Variants in DNAAF9 observed in about 807,000 individuals in gnomAD.
DNAAF9 encodes shulin.
In DNAAF9, 90 loss-of-function variants were observed where a neutral mutation model predicts 167.0. The ratio of observed to expected loss-of-function variants is 0.54; its 90% CI spans 0.45 to 0.64. The LOEUF is 0.64. Among genes scored for constraint, DNAAF9 ranks in the 30% least tolerant of loss-of-function variants. The pLI is 0.00. For synonymous variants in DNAAF9, 491 were observed against 508.8 expected (o/e 0.96, Z 0.47); for missense variants, 1,315 against 1,442.2 (o/e 0.91, Z 1.43).
intron 34 of DNAAF9, 125 bp from the exon 35 acceptor site, chr20:3,255,409 C>T (rs537474403): frequency 6.2e-6 from 4 of 647,228 alleles, no homozygotes; most frequent in South Asian, 5.2e-5. Flanking sequence ...TGCGCTATGG[C>T]CTGGATATAA....
intron 27 of DNAAF9, among the ~76,000 whole-genome samples, chr20:3,282,527 T>A (rs1250170600): frequency 6.6e-6 from 1 of 152,186 alleles, no homozygotes; most frequent in African/African-American, 2.4e-5. Flanking sequence ...AGAGATATGC[T>A]AAACCCAGAG....
At chr20:3,359,323 G>A (rs1159590086) in intron 7 of DNAAF9, among the ~76,000 whole-genome samples, 193 bp downstream of exon 7, 1 of 152,226 alleles carries the variant, frequency 6.6e-6, no homozygotes, top group Admixed American at 6.5e-5. Context: ...GAGTGGAAGA[G>A]GGAGCAGTGT....
intron 9 of DNAAF9, among the ~76,000 whole-genome samples, chr20:3,342,643 G>C (rs955271684): frequency 6.6e-6 from 1 of 152,132 alleles, no homozygotes; most frequent in Non-Finnish European, 1.5e-5. Context: ...GCTTTTAAAA[G>C]TAAGCATGGC....
At chr20:3,271,778 T>C (rs1163523370) in intron 29 of DNAAF9, among the ~76,000 whole-genome samples, 1 of 151,750 alleles carries the variant, frequency 6.6e-6, no homozygotes, top group Admixed American at 6.6e-5. Flanking sequence ...CGCGCCACCA[T>C]GCCCAGCTTA....
At chr20:3,374,588 TG>T in intron 5 of DNAAF9, among the ~76,000 whole-genome samples, 1 of 152,334 alleles carries the variant, frequency 6.6e-6, no homozygotes, top group Middle Eastern at 3.4e-3. Context: ...AGCTTCAATG[TG>T]CAAGGTTTTT....
In DNAAF9 at chr20:3,330,621, G is replaced by T. The variant is rs770076478; in HGVS notation, c.1100+25C>A. 12 of 1,513,448 alleles carry T rather than the reference G, an allele frequency of 7.9e-6. No individual in the cohort carries two copies. The South Asian group carries it at 8.0e-5, about 10-fold the overall frequency. The allele number at this position is 1,513,448 out of a possible 1,614,324, so 93.8% of individuals were successfully genotyped here. A position where few individuals can be genotyped will look rare whatever the true frequency, so the allele number is the denominator to read the frequency against. Reference sequence around the variant, plus strand: ...AACTGAGTAACTCAACTTTGAGAAAGAAAAAATAAAATATGAAGACTTACA... The same window carrying T: ...AACTGAGTAACTCAACTTTGAGAAATAAAAAATAAAATATGAAGACTTACA... On this transcript the variant is annotated intron_variant, in intron 12 of 36. Coordinates refer to ENST00000252032, the MANE Select transcript of DNAAF9 (RefSeq NM_001009984.3).
chr20:3,336,191 T>C (rs570214152), intron 10 of DNAAF9, among the ~76,000 whole-genome samples: 47 of 150,990 alleles, frequency 3.1e-4, no homozygotes, highest in African/African-American at 1.1e-3. Context: ...GTGGGTATTT[T>C]GGGGTTTAAT....
At chr20:3,307,572 C>T (rs2069322114) in intron 20 of DNAAF9, among the ~76,000 whole-genome samples, 1 of 152,058 alleles carries the variant, frequency 6.6e-6, no homozygotes, top group South Asian at 2.1e-4. Context: ...GGAGATCTCC[C>T]TGACTCTTTG....
chr20:3,320,369 A>G (rs952134653), intron 16 of DNAAF9, among the ~76,000 whole-genome samples: 2 of 152,214 alleles, frequency 1.3e-5, no homozygotes, highest in Admixed American at 6.5e-5. Flanking sequence ...TCTGGATAAG[A>G]GGACAGAATG....
rs1303812871 is a variant in DNAAF9 at position 3,351,828 on chromosome 20, G to A, written c.691-3205C>T. On this transcript the variant is annotated intron_variant, in intron 7 of 36. Coordinates refer to ENST00000252032, the MANE Select transcript of DNAAF9 (RefSeq NM_001009984.3). Reference sequence around the variant, plus strand: ...CAGTTTTATGCTATTTTCTGAGTTTGTGTTATTTTATTTATTTATTTATTT... The same window carrying A: ...CAGTTTTATGCTATTTTCTGAGTTTATGTTATTTTATTTATTTATTTATTT... Among the ~76,000 whole-genome samples, 5 of 130,796 alleles carry A rather than the reference G, an allele frequency of 3.8e-5. No homozygotes were observed. The South Asian group carries it at 1.1e-3, about 28-fold the overall frequency. The allele number at this position is 130,796 out of a possible 152,430, so 85.8% of individuals were successfully genotyped here. A position where few individuals can be genotyped will look rare whatever the true frequency, so the allele number is the denominator to read the frequency against.
At position 3,289,631 on chromosome 20, in the gene DNAAF9, C is replaced by T. The variant is rs570132378; in HGVS notation, c.2327+498G>A. Among the ~76,000 whole-genome samples, 36 of 152,156 alleles carry T rather than the reference C, an allele frequency of 2.4e-4. 1 individual carries two copies. In the South Asian group the frequency reaches 7.5e-3, roughly 32 times the overall value. ...CCCTCCTAGGTTCAAGTGATCCTCC[C>T]ACCTCAGCCTCCCGAGTAGCTGGGA... On this transcript the variant is annotated intron_variant, in intron 26 of 36. Coordinates refer to ENST00000252032, the MANE Select transcript of DNAAF9 (RefSeq NM_001009984.3).
chr20:3,403,520 G>GCCAACATCC (rs1156877743), intron 1 of DNAAF9, among the ~76,000 whole-genome samples: 3 of 148,110 alleles, frequency 2.0e-5, no homozygotes, highest in Non-Finnish European at 4.5e-5. Flanking sequence ...CTAACTTGAG[G>GCCAACATCC]CCAACATCCC....
In DNAAF9 at chr20:3,336,155, A is replaced by G. The variant is rs148162087; in HGVS notation, c.982-3794T>C. Among the ~76,000 whole-genome samples, 826 of 152,082 alleles carry G rather than the reference A, an allele frequency of 5.4e-3. 2 individuals carry two copies. The highest frequency in any genetic ancestry group is 6.8e-3 in the Middle Eastern group (2 of 294). ...AAATATTTTTTGTCTGTAGTTTTCA[A>G]CAATTTGACTTTGATGTGTATTGGT... On this transcript the variant is annotated intron_variant, in intron 10 of 36. Transcript: ENST00000252032.
intron 20 of DNAAF9, among the ~76,000 whole-genome samples, chr20:3,306,398 C>G (rs946515276): frequency 9.2e-5 from 14 of 152,188 alleles, no homozygotes; most frequent in African/African-American, 3.1e-4. Flanking sequence ...AACCTTTAAT[C>G]TTTGTTCTGT....
At chr20:3,341,853 C>G (rs572102353) in intron 9 of DNAAF9, among the ~76,000 whole-genome samples, 2 of 152,258 alleles carry the variant, frequency 1.3e-5, no homozygotes, top group South Asian at 4.1e-4. Context: ...TCTCGGCTCA[C>G]TGCAAGCTCC....
chr20:3,343,706 C>T lies in DNAAF9; in HGVS notation c.815G>A (p.Gly272Glu). Residue 272 changes from glycine (G) to glutamate (E), a missense_variant, in exon 9 of 37, where the codon GGA becomes GAA. Coordinates refer to ENST00000252032, the MANE Select transcript of DNAAF9 (RefSeq NM_001009984.3). The stretch of plus-strand genomic sequence containing the variant: ...TTCAGTTATATGGCTAGAGATCATT[C>T]CATGACTGAAATAACTTCTGAATGG... ...GEPFRSYFSH[G>E]MISSHITENS... 6.2e-7 allele frequency: 1 copy of T among 1,612,750 alleles called. No individual in the cohort carries two copies. Among genetic ancestry groups the T allele is most frequent in the Non-Finnish European group, 8.5e-7 (1 of 1,179,050 alleles).
rs138779275 is a variant in DNAAF9 at position 3,321,911 on chromosome 20, T to C, written c.1356+306A>G. On this transcript the variant is annotated intron_variant, in intron 16 of 36. Coordinates refer to ENST00000252032, the MANE Select transcript of DNAAF9 (RefSeq NM_001009984.3). The stretch of plus-strand genomic sequence containing the variant: ...TGGATTCACATTTCGACAAGAGCAA[T>C]CTCAGCTACCTGTAGGAAGGCTTCA... Among the ~76,000 whole-genome samples, 10 of 152,240 alleles carry C rather than the reference T, an allele frequency of 6.6e-5. No homozygotes were observed. In the East Asian group the frequency reaches 1.9e-3, roughly 29 times the overall value.
chr20:3,279,683 G>C (rs1247674952), intron 28 of DNAAF9, among the ~76,000 whole-genome samples: 1 of 152,210 alleles, frequency 6.6e-6, no homozygotes, highest in Non-Finnish European at 1.5e-5. Flanking sequence ...ATCTTGCTCT[G>C]TCGTCCTGTC....
chr20:3,323,266 G>C (rs988863257), intron 14 of DNAAF9, among the ~76,000 whole-genome samples: 1 of 143,338 alleles, frequency 7.0e-6, no homozygotes, highest in Non-Finnish European at 1.5e-5. Flanking sequence ...GGTCCTCAGT[G>C]AAGTAATCTT....
Sources: gnomAD v4.1 joint callset for allele counts (sites outside exome capture counted in the v4.1 genomes callset) on GRCh38, gnomAD v4.1.1 for gene constraint, MANE v1.5 for transcripts, NCBI Gene and HGNC (gene_info 2026-07-23, HGNC 2026-07-21) for gene names.